Variants in TRIOBP observed in about 807,000 individuals in gnomAD.
TRIOBP encodes the protein TRIO and F-actin-binding protein.
A neutral mutation model predicts 238.8 loss-of-function variants in TRIOBP; 169 were observed. That is an observed-to-expected ratio of 0.71 (90% CI 0.62 to 0.80). The LOEUF (loss-of-function observed/expected upper bound fraction) is 0.80. Among genes scored for constraint, TRIOBP ranks in the 30% least tolerant of loss-of-function variants. TRIOBP has a pLI of 0.00. For missense variants in TRIOBP, 2,838 were observed against 3,122.6 expected, an observed-to-expected ratio of 0.91 and a Z score of 2.17; for synonymous variants, 1,150 against 1,274.4, an observed-to-expected ratio of 0.90 and a Z score of 2.08.
At chr22:37,759,682 A>G in intron 17 of TRIOBP, 1 of 1,518,634 alleles carries the variant, frequency 6.6e-7, no homozygotes, top group Non-Finnish European at 8.8e-7. Context: ...CCAAGGCCCC[A>G]CACAAGGAGG....
At chr22:37,744,620 G>A (rs577557413) in intron 11 of TRIOBP, among the ~76,000 whole-genome samples, 1 of 152,280 alleles carries the variant, frequency 6.6e-6, no homozygotes, top group Admixed American at 6.5e-5. Flanking sequence ...CAGGACCCTG[G>A]TGGTAGGTGA....
chr22:37,748,351 TGTGA>T (rs1253554286), intron 11 of TRIOBP, among the ~76,000 whole-genome samples: 1 of 152,116 alleles, frequency 6.6e-6, no homozygotes, highest in African/African-American at 2.4e-5. Flanking sequence ...GGCACAGGTG[TGTGA>T]GTGTGTGAGG....
intron 3 of TRIOBP, 66 bp downstream of exon 3, chr22:37,701,545 T>A (rs1601615146): frequency 1.7e-6 from 2 of 1,183,244 alleles, no homozygotes; most frequent in East Asian, 4.8e-5. Flanking sequence ...ACTGGGCCTG[T>A]GGTGTCCGCT....
chr22:37,771,642 AT>A lies in TRIOBP; in HGVS notation c.6850-7del, dbSNP rs755989550. 6.2e-7 allele frequency: 1 copy of A among 1,613,052 alleles called. No individual in the cohort carries two copies. Among genetic ancestry groups the A allele is most frequent in the Non-Finnish European group, 8.5e-7 (1 of 1,179,230 alleles). On this transcript the variant is annotated splice_polypyrimidine_tract_variant and splice_region_variant and intron_variant, in intron 21 of 23. Coordinates refer to ENST00000644935, the MANE Select transcript of TRIOBP (RefSeq NM_001039141.3). ...GGCCCTGGGTCAGTCCAGCACCTAT[AT>A]CCCCAGGTGCTGCTTCGCGTAAAAG...
intron 9 of TRIOBP, among the ~76,000 whole-genome samples, chr22:37,738,257 C>T (rs1924770513): frequency 6.6e-6 from 1 of 152,024 alleles, no homozygotes; most frequent in Admixed American, 6.6e-5. Flanking sequence ...ATGGATGTTG[C>T]TTAGGTGATG....
chr22:37,711,048 C>T (rs1046945355), intron 4 of TRIOBP, among the ~76,000 whole-genome samples: 2 of 152,254 alleles, frequency 1.3e-5, no homozygotes, highest in Admixed American at 1.3e-4. Flanking sequence ...CTTCCACCCT[C>T]AGGCCTGAGT....
At chr22:37,714,843 T>C (rs1464584221) in intron 5 of TRIOBP, among the ~76,000 whole-genome samples, 1 of 151,806 alleles carries the variant, frequency 6.6e-6, no homozygotes, top group South Asian at 2.1e-4. Flanking sequence ...TGCCTAGTTA[T>C]TATTATTTTT....
rs572399538 is a variant in TRIOBP, at chr22:37,717,370, C to G, written c.628+1436C>G. 2.0e-5 allele frequency among the ~76,000 whole-genome samples: 3 copies of G among 152,256 alleles called. No homozygotes were observed. The South Asian group carries it at 6.2e-4, about 32-fold the overall frequency. On this transcript the variant is annotated intron_variant, in intron 6 of 23. Transcript: ENST00000644935. ...AGCTTCCACAGCATGGAAGAGGACC[C>G]GAGCGGGTTGCCAGAGCTGGCTGGG...
At chr22:37,769,451 T>A in intron 21 of TRIOBP, 76 bp downstream of exon 21, 1 of 1,384,370 alleles carries the variant, frequency 7.2e-7, no homozygotes, top group Non-Finnish European at 9.9e-7. Flanking sequence ...CGCCATAGGC[T>A]GGGTATCACC....
chr22:37,705,824 C>T (rs146269148), intron 3 of TRIOBP, among the ~76,000 whole-genome samples: 163 of 152,254 alleles, frequency 1.1e-3, no homozygotes, highest in Middle Eastern at 6.8e-3. Context: ...AATCTGCCCT[C>T]CTTGGCCTCC....
At position 37,710,499 on chromosome 22, in the gene TRIOBP, C is replaced by T; in HGVS notation, c.187C>T (p.Pro63Ser). Residue 63 changes from proline (P) to serine (S), a missense_variant, in exon 4 of 24, where the codon CCA (proline) becomes TCA (serine). Transcript: ENST00000644935. ...TCGATGTCCACCTGCCCCTGAGGAC[C>T]CACTCAGCGCCTCAACCTCCGGCTG... ...LPRCPPAPED[P>S]LSASTSGCQS... 1 of 1,612,610 alleles carries T rather than the reference C, an allele frequency of 6.2e-7. No individual in the cohort carries two copies. Among genetic ancestry groups the T allele is most frequent in the Non-Finnish European group, 8.5e-7 (1 of 1,179,850 alleles).
intron 9 of TRIOBP, among the ~76,000 whole-genome samples, chr22:37,738,159 G>A (rs4820303): frequency 0.25 from 37,802 of 152,208 alleles, 5,629 homozygotes; most frequent in South Asian, 0.4. Flanking sequence ...CATGTTGAAT[G>A]AATAATAGAC....
rs71195050 is a variant in TRIOBP at position 37,743,801 on chromosome 22, A to ATGTGTGTGTGTGTGTGTGTGTG, written c.5322+2792_5322+2813dup. 1.1e-4 allele frequency among the ~76,000 whole-genome samples: 12 copies of ATGTGTGTGTGTGTGTGTGTGTG among 114,100 alleles called. 1 individual carries two copies. The highest frequency in any genetic ancestry group is 2.6e-4 in the East Asian group (1 of 3,848). 74.9% of individuals were successfully genotyped at this position (114,100 alleles called of 152,430 possible). A position where few individuals can be genotyped will look rare whatever the true frequency, so the allele number is the denominator to read the frequency against. Reference sequence around the variant, plus strand: ...GGGGAAGGGGAGAAAGAGAGAGAGAATGTGTGTGTGTGTGTGTGTGTGTGT... The same window carrying ATGTGTGTGTGTGTGTGTGTGTG: ...GGGGAAGGGGAGAAAGAGAGAGAGAATGTGTGTGTGTGTGTGTGTGTGTGTGTGTGTGTGTGTGTGTGTGTGT... On this transcript the variant is annotated intron_variant, in intron 11 of 23. Coordinates refer to ENST00000644935, the MANE Select transcript of TRIOBP (RefSeq NM_001039141.3).
intron 17 of TRIOBP, chr22:37,759,659 G>A (rs1035165217): frequency 7.9e-6 from 12 of 1,527,266 alleles, no homozygotes; most frequent in East Asian, 4.9e-5. Context: ...AAATCCTGCC[G>A]AGGCCCACTG....
chr22:37,768,540 G>C (rs1926611036), intron 19 of TRIOBP, among the ~76,000 whole-genome samples: 1 of 152,156 alleles, frequency 6.6e-6, no homozygotes, highest in Non-Finnish European at 1.5e-5. Flanking sequence ...GGCCCCTCCA[G>C]CCGGGCACAT....
At chr22:37,715,963 T>TG in intron 6 of TRIOBP, 29 bp downstream of exon 6, 10 of 1,611,242 alleles carry the variant, frequency 6.2e-6, no homozygotes, top group Non-Finnish European at 8.5e-6. Flanking sequence ...TTGGTTCCCA[T>TG]GGTGATGGCC....
At chr22:37,713,000 T>TAAA (rs1923335883) in intron 4 of TRIOBP, among the ~76,000 whole-genome samples, 1 of 140,994 alleles carries the variant, frequency 7.1e-6, no homozygotes, top group Non-Finnish European at 1.5e-5. Context: ...AAATAAATAA[T>TAAA]AAAATTACAA....
intron 9 of TRIOBP, among the ~76,000 whole-genome samples, chr22:37,736,336 T>C (rs1455089996): frequency 1.3e-5 from 2 of 152,162 alleles, no homozygotes; most frequent in Admixed American, 6.5e-5. Flanking sequence ...CGGGCAGCGC[T>C]GGGGTGCCGT....
At chr22:37,748,228 C>T (rs762982) in intron 11 of TRIOBP, among the ~76,000 whole-genome samples, 38,048 of 152,134 alleles carry the variant, frequency 0.25, 5,692 homozygotes, top group South Asian at 0.41. Flanking sequence ...TGAGTTCATC[C>T]TGGCTGCCAT....
Sources: allele counts gnomAD v4.1 joint callset (sites outside exome capture counted in the v4.1 genomes callset), GRCh38; gene constraint gnomAD v4.1.1; transcripts MANE v1.5; gene names NCBI Gene and HGNC (gene_info 2026-07-23, HGNC 2026-07-21).